The following CNTNAP3 variants were observed in gnomAD, a reference collection of about 807,000 sequenced individuals.
CNTNAP3 encodes contactin-associated protein-like 3.
CNTNAP3 carries 36 observed loss-of-function variants against 92.1 expected under a neutral mutation model. The ratio of observed to expected loss-of-function variants is 0.39; its 90% CI spans 0.30 to 0.52. The LOEUF (loss-of-function observed/expected upper bound fraction) is 0.52, where lower values mean the gene tolerates loss of function less well. Among genes scored for constraint, CNTNAP3 ranks in the 20% least tolerant of loss-of-function variants. The pLI, the probability that CNTNAP3 is intolerant of heterozygous loss-of-function variation, is 0.76. For missense variants in CNTNAP3, 534 were observed against 1,069.6 expected (o/e 0.50, Z 6.98); for synonymous variants, 232 against 422.3 (o/e 0.55, Z 5.53).
chr9:39,084,642 A>G (rs1308007953), intron 21 of CNTNAP3, among the ~76,000 whole-genome samples: 2 of 152,188 alleles, frequency 1.3e-5, no homozygotes, highest in Non-Finnish European at 2.9e-5. Context: ...GGTCTATTTT[A>G]CTATAAGTTA....
intron 10 of CNTNAP3, 96 bp from the exon 11 acceptor site, chr9:39,144,442 G>C: frequency 1.3e-6 from 2 of 1,493,510 alleles, no homozygotes; most frequent in Non-Finnish European, 1.8e-6. Flanking sequence ...AGGTTAATGT[G>C]AAAGAGCAGC....
intron 10 of CNTNAP3, among the ~76,000 whole-genome samples, 171 bp downstream of exon 10, chr9:39,149,635 G>A (rs980345195): frequency 1.4e-4 from 21 of 152,050 alleles, no homozygotes; most frequent in African/African-American, 3.1e-4. Context: ...GAGCCACCGC[G>A]CCCGGCCAAG....
intron 10 of CNTNAP3, among the ~76,000 whole-genome samples, chr9:39,149,572 G>A (rs1243095498): frequency 6.6e-6 from 1 of 151,344 alleles, no homozygotes; most frequent in Non-Finnish European, 1.5e-5. Flanking sequence ...TAGCCAGGAT[G>A]AAGTTGATCT....
chr9:39,144,868 G>A (rs1307107185), intron 10 of CNTNAP3, among the ~76,000 whole-genome samples: 1 of 151,408 alleles, frequency 6.6e-6, no homozygotes, highest in African/African-American at 2.4e-5. Context: ...GTCGGTTATT[G>A]CTTTTTAAGC....
At chr9:39,079,023 G>C in intron 21 of CNTNAP3, 103 bp from the exon 22 acceptor site, 1 of 1,486,492 alleles carries the variant, frequency 6.7e-7, no homozygotes, top group Non-Finnish European at 9.0e-7. Flanking sequence ...CTTCACTCCA[G>C]GAGAGGTCCC....
intron 19 of CNTNAP3, among the ~76,000 whole-genome samples, chr9:39,087,804 A>AT (rs960253510): frequency 1.1e-4 from 17 of 152,024 alleles, no homozygotes; most frequent in African/African-American, 3.6e-4. Flanking sequence ...GATTTTGTAG[A>AT]TTTTTTTCTA....
intron 10 of CNTNAP3, among the ~76,000 whole-genome samples, chr9:39,146,375 G>A (rs966668372): frequency 3.3e-5 from 5 of 152,222 alleles, no homozygotes; most frequent in South Asian, 2.1e-4. Context: ...GCAGTCTGAT[G>A]TAAGAGGTGA....
At chr9:39,098,915 A>G (rs1826387577) in intron 18 of CNTNAP3, among the ~76,000 whole-genome samples, 1 of 151,970 alleles carries the variant, frequency 6.6e-6, no homozygotes, top group Non-Finnish European at 1.5e-5. Context: ...AGTATTATAA[A>G]TATATTAAAT....
intron 3 of CNTNAP3, among the ~76,000 whole-genome samples, chr9:39,209,458 G>C (rs1197350345): frequency 2.7e-5 from 1 of 36,570 alleles, no homozygotes; most frequent in Non-Finnish European, 5.5e-5. Context: ...GTTTAAATGG[G>C]AAAATAAATT....
At chr9:39,153,077 G>C (rs1563894131) in intron 9 of CNTNAP3, among the ~76,000 whole-genome samples, 1 of 35,134 alleles carries the variant, frequency 2.8e-5, no homozygotes, top group Non-Finnish European at 4.8e-5. Context: ...TAATCATAAA[G>C]TACTGCATGG....
At chr9:39,148,526 CTT>C (rs887513999) in intron 10 of CNTNAP3, among the ~76,000 whole-genome samples, 12,541 of 137,720 alleles carry the variant, frequency 0.091, 535 homozygotes, top group African/African-American at 0.13. Flanking sequence ...GCAGATATAA[CTT>C]TTTTTTTTTT....
chr9:39,100,412 G>A (rs1164401403), intron 17 of CNTNAP3, among the ~76,000 whole-genome samples: 2 of 152,294 alleles, frequency 1.3e-5, no homozygotes, highest in East Asian at 1.9e-4. Flanking sequence ...CTTCAGGTAA[G>A]AAAGAATTTC....
chr9:39,077,979 G>A (rs1193886247), intron 23 of CNTNAP3, among the ~76,000 whole-genome samples: 2 of 152,138 alleles, frequency 1.3e-5, no homozygotes, highest in African/African-American at 2.4e-5. Context: ...GCTGAGGCGG[G>A]CAGATCACTT....
At chr9:39,087,164 A>C (rs1226270144) in intron 19 of CNTNAP3, among the ~76,000 whole-genome samples, 1 of 152,174 alleles carries the variant, frequency 6.6e-6, no homozygotes. Context: ...ACTCAGATCT[A>C]AATTCATTAT....
intron 18 of CNTNAP3, among the ~76,000 whole-genome samples, chr9:39,093,241 ATTTTC>A (rs1826250180): frequency 7.5e-6 from 1 of 133,228 alleles, no homozygotes; most frequent in African/African-American, 2.8e-5. Context: ...TACATCTGCC[ATTTTC>A]TTTTTCTTTT....
At chr9:39,136,044 G>A (rs2315720) in intron 12 of CNTNAP3, among the ~76,000 whole-genome samples, 100 of 150,886 alleles carry the variant, frequency 6.6e-4, no homozygotes, top group South Asian at 3.1e-3. Flanking sequence ...CAGAAGAATC[G>A]CTTGAACCTG....
rs1357752869 is a variant in CNTNAP3 at position 39,148,483 on chromosome 9, TGAA to T, written c.1649+1320_1649+1322del. Among the ~76,000 whole-genome samples the T allele has an allele frequency of 5.3e-5, 8 of 151,986 alleles. No individual in the cohort carries two copies. In the East Asian group the frequency reaches 9.7e-4, roughly 18 times the overall value. The stretch of plus-strand genomic sequence containing the variant: ...GAATTGACTAACTGAATTTACTCCA[TGAA>T]GAAGGCAGGTTTTGAAAGTTCTACC... On this transcript the variant is annotated intron_variant, in intron 10 of 23. Transcript: ENST00000297668.
chr9:39,088,095 A>T (rs1826104215), intron 19 of CNTNAP3, among the ~76,000 whole-genome samples: 1 of 152,136 alleles, frequency 6.6e-6, no homozygotes, highest in South Asian at 2.1e-4. Flanking sequence ...TATGTCATGT[A>T]TCTAGATATC....
chr9:39,088,748 G>C (rs144416068), intron 18 of CNTNAP3, 101 bp from the exon 19 acceptor site: 14 of 1,047,210 alleles, frequency 1.3e-5, no homozygotes, highest in Non-Finnish European at 1.7e-5. Context: ...AAATATCCTG[G>C]GAGATAAAGT....
Sources: gnomAD v4.1 joint callset for allele counts (sites outside exome capture counted in the v4.1 genomes callset) on GRCh38, gnomAD v4.1.1 for gene constraint, MANE v1.5 for transcripts, NCBI Gene and HGNC (gene_info 2026-07-23, HGNC 2026-07-21) for gene names.